Variants in ZSWIM5 observed in about 807,000 individuals in gnomAD.
ZSWIM5 encodes zinc finger SWIM domain-containing protein 5.
Under a neutral mutation model 119.6 loss-of-function variants are expected in ZSWIM5, and 55 were observed. That is an observed-to-expected ratio of 0.46 (90% CI 0.37 to 0.58). The LOEUF is 0.58. Among genes scored for constraint, ZSWIM5 ranks in the 20% least tolerant of loss-of-function variants. The probability of loss-of-function intolerance (pLI) is 0.00; values close to 1 mark genes in which losing one functional copy is unlikely to be tolerated. For synonymous variants in ZSWIM5, 537 were observed against 606.9 expected (o/e 0.88, Z 1.69); for missense variants, 1,193 against 1,512.8 (o/e 0.79, Z 3.51).
intron 1 of ZSWIM5, among the ~76,000 whole-genome samples, chr1:45,167,884 A>G (rs1645917614): frequency 6.6e-6 from 1 of 152,160 alleles, no homozygotes; most frequent in South Asian, 2.1e-4. Flanking sequence ...TGGGACTATA[A>G]ACTAGTTCAA....
chr1:45,082,804 G>A (rs1645301295), intron 2 of ZSWIM5, among the ~76,000 whole-genome samples: 1 of 152,192 alleles, frequency 6.6e-6, no homozygotes, highest in Non-Finnish European at 1.5e-5. Flanking sequence ...AGTGTAATGA[G>A]GAATGTAGGT....
Position 45,051,174 on chromosome 1 carries a change from C to G in ZSWIM5, c.1332G>C (p.Lys444Asn). The G allele has an allele frequency of 6.2e-7, 1 of 1,614,242 alleles. No individual in the cohort carries two copies. Among genetic ancestry groups the G allele is most frequent in the South Asian group, 1.1e-5 (1 of 91,090 alleles). ...GGGGACAGACATCCAGGTCGCTCCA[C>G]TTCTGCAGCTGCTGCAGCCAGCAGG... is the stretch of plus-strand genomic sequence containing the variant. ...EKSCWLQQLQ[K>N]WSDLDVCPLE... Residue 444 changes from lysine to asparagine, a missense_variant, in exon 5 of 14, where the codon AAG (lysine) becomes AAC (asparagine). By Grantham distance (94) the Lys-to-Asn change is moderately conservative. This residue lies in a region of ZSWIM5 where 961 missense variants were observed against 1,290.0 expected (regional missense o/e 0.74). Coordinates refer to ENST00000359600, the MANE Select transcript of ZSWIM5 (RefSeq NM_020883.2).
intron 1 of ZSWIM5, among the ~76,000 whole-genome samples, chr1:45,180,041 G>A (rs1390389986): frequency 1.3e-5 from 2 of 152,142 alleles, no homozygotes; most frequent in African/African-American, 2.4e-5. Flanking sequence ...TCCATCTGAG[G>A]TACCGGGTTC....
intron 1 of ZSWIM5, among the ~76,000 whole-genome samples, chr1:45,162,266 G>T (rs1205000248): frequency 6.6e-6 from 1 of 152,212 alleles, no homozygotes; most frequent in East Asian, 1.9e-4. Flanking sequence ...GCTGAGGCGG[G>T]CAATCACCTG....
chr1:45,160,613 C>T (rs1302353288), intron 1 of ZSWIM5, among the ~76,000 whole-genome samples: 1 of 151,578 alleles, frequency 6.6e-6, no homozygotes, highest in Non-Finnish European at 1.5e-5. Flanking sequence ...AGATTTCATT[C>T]ATTCTTATGG....
At chr1:45,163,571 C>A (rs1383793210) in intron 1 of ZSWIM5, among the ~76,000 whole-genome samples, 2 of 152,088 alleles carry the variant, frequency 1.3e-5, no homozygotes, top group Non-Finnish European at 2.9e-5. Flanking sequence ...AAGTTGAAAA[C>A]CTTGAAAAAA....
intron 2 of ZSWIM5, among the ~76,000 whole-genome samples, chr1:45,065,375 C>A (rs949294422): frequency 6.6e-6 from 1 of 152,104 alleles, no homozygotes; most frequent in Non-Finnish European, 1.5e-5. Flanking sequence ...GGGCAGTCGG[C>A]CTTAAACAAC....
chr1:45,026,703 A>C (rs1181531675), intron 11 of ZSWIM5, among the ~76,000 whole-genome samples: 1 of 152,018 alleles, frequency 6.6e-6, no homozygotes, highest in Non-Finnish European at 1.5e-5. Context: ...GTCTTTATCT[A>C]GTTTTGGTTT....
intron 11 of ZSWIM5, among the ~76,000 whole-genome samples, chr1:45,030,477 CT>C (rs1293354559): frequency 2.6e-5 from 4 of 152,112 alleles, no homozygotes; most frequent in Non-Finnish European, 5.9e-5. Flanking sequence ...GAACTCCTAC[CT>C]TTAGGTTATC....
At chr1:45,159,375 G>C (rs1486318997) in intron 1 of ZSWIM5, among the ~76,000 whole-genome samples, 1 of 152,060 alleles carries the variant, frequency 6.6e-6, no homozygotes, top group African/African-American at 2.4e-5. Flanking sequence ...TTTGTAAAAT[G>C]AGGATAATAA....
intron 1 of ZSWIM5, among the ~76,000 whole-genome samples, chr1:45,126,902 G>A (rs1480357939): frequency 6.6e-6 from 1 of 152,070 alleles, no homozygotes; most frequent in Non-Finnish European, 1.5e-5. Context: ...GCAGTAGCAC[G>A]ATCACAGCTC....
intron 1 of ZSWIM5, among the ~76,000 whole-genome samples, chr1:45,140,341 C>T (rs1645719250): frequency 6.6e-6 from 1 of 152,158 alleles, no homozygotes; most frequent in Admixed American, 6.5e-5. Flanking sequence ...GTGTGATCTA[C>T]AAAACCTAAA....
rs202174580 is a variant in ZSWIM5 at position 45,035,707 on chromosome 1, A to G, written c.2272T>C (p.Leu758=). Residue 758 remains leucine, a synonymous_variant, in exon 10 of 14, where the codon TTA becomes CTA. Transcript: ENST00000359600. The part of the protein sequence containing the change: ...LPHDPDLSYK[L]ALRAMRLPVL... ...ACCCACCTCATGGCACGTAAGGCTA[A>G]TTTATAGGACAGGTCTGGATCATGA... The G allele has an allele frequency of 1.6e-4, 266 of 1,613,694 alleles. 1 individual carries two copies. The highest frequency in any genetic ancestry group is 3.4e-4 in the Middle Eastern group (2 of 5,876).
At chr1:45,123,278 C>A (rs893601069) in intron 1 of ZSWIM5, among the ~76,000 whole-genome samples, 1 of 151,944 alleles carries the variant, frequency 6.6e-6, no homozygotes, top group Non-Finnish European at 1.5e-5. Flanking sequence ...AAGTAGATAT[C>A]AACACCAAAG....
intron 11 of ZSWIM5, among the ~76,000 whole-genome samples, chr1:45,024,336 C>A (rs12239165): frequency 6.6e-6 from 1 of 150,866 alleles, no homozygotes; most frequent in East Asian, 2.0e-4. Flanking sequence ...GGATTACAGG[C>A]GTGCGCCACC....
chr1:45,096,141 T>C lies in ZSWIM5; in HGVS notation c.596-7904A>G, dbSNP rs571059354. Among the ~76,000 whole-genome samples, 22 of 152,330 alleles carry C rather than the reference T, an allele frequency of 1.4e-4. 1 individual carries two copies. The South Asian group carries it at 2.1e-3, about 14-fold the overall frequency. ...AATATTCAAGTGCCCAAGAACTATA[T>C]AGGCTTTTAAAACAGTCTATTTTAT... is the stretch of plus-strand genomic sequence containing the variant. On this transcript the variant is annotated intron_variant, in intron 1 of 13. Coordinates refer to ENST00000359600, the MANE Select transcript of ZSWIM5 (RefSeq NM_020883.2).
chr1:45,079,993 C>G (rs1264695635), intron 2 of ZSWIM5, among the ~76,000 whole-genome samples: 3 of 152,120 alleles, frequency 2.0e-5, no homozygotes, highest in Non-Finnish European at 4.4e-5. Context: ...AGCTGGTATC[C>G]AAGATGCAAG....
chr1:45,038,565 A>C (rs1644999308), intron 8 of ZSWIM5, among the ~76,000 whole-genome samples: 1 of 141,390 alleles, frequency 7.1e-6, no homozygotes, highest in African/African-American at 2.6e-5. Context: ...AGGAGGTAGA[A>C]CAGAGTCTGG....
chr1:45,145,349 A>C lies in ZSWIM5; in HGVS notation c.596-57112T>G, dbSNP rs971536811. On this transcript the variant is annotated intron_variant, in intron 1 of 13. Transcript: ENST00000359600. ...AGAAATGAAAAGTTACGTTAACAAA[A>C]AAAAAAAAAAACTGGTTATCAACAT... 2.0e-5 allele frequency among the ~76,000 whole-genome samples: 3 copies of C among 151,978 alleles called. No homozygotes were observed. In the East Asian group the frequency reaches 5.8e-4, roughly 29 times the overall value.
Sources: gnomAD v4.1 joint callset for allele counts (sites outside exome capture counted in the v4.1 genomes callset) on GRCh38, gnomAD v4.1.1 for gene constraint, gnomAD v4.1.1 regional missense constraint, MANE v1.5 for transcripts, NCBI Gene and HGNC (gene_info 2026-07-23, HGNC 2026-07-21) for gene names.